SUSD1: variants seen among roughly 807,000 people sequenced by gnomAD.
SUSD1 encodes sushi domain-containing protein 1.
In SUSD1, 65 loss-of-function variants were observed where a neutral mutation model predicts 86.9. The observed-to-expected ratio is 0.75, with a 90% CI of 0.61 to 0.92. The LOEUF (loss-of-function observed/expected upper bound fraction) is 0.92, where lower values mean the gene tolerates loss of function less well. SUSD1 is among the 40% of genes least tolerant of loss of function. SUSD1 has a pLI of 0.00. For synonymous variants in SUSD1, 346 were observed against 350.0 expected (o/e 0.99, Z 0.13); for missense variants, 850 against 929.7 (o/e 0.91, Z 1.11).
chr9:112,057,302 TC>T (rs903609151), intron 14 of SUSD1, among the ~76,000 whole-genome samples: 4 of 152,094 alleles, frequency 2.6e-5, no homozygotes, highest in Admixed American at 2.6e-4. Flanking sequence ...CTACCATATT[TC>T]ACTATAGCAG....
intron 2 of SUSD1, among the ~76,000 whole-genome samples, chr9:112,150,399 C>T (rs892261330): frequency 6.6e-6 from 1 of 152,198 alleles, no homozygotes; most frequent in Non-Finnish European, 1.5e-5. Flanking sequence ...TTTGTTACTT[C>T]GTGTTTTATT....
At chr9:112,049,415 C>A (rs1394739771) in intron 15 of SUSD1, among the ~76,000 whole-genome samples, 1 of 152,132 alleles carries the variant, frequency 6.6e-6, no homozygotes, top group Non-Finnish European at 1.5e-5. Context: ...TGAGAACTGG[C>A]CAAGTTAAAT....
At chr9:112,173,326 G>A (rs1834125465) in intron 1 of SUSD1, among the ~76,000 whole-genome samples, 1 of 152,190 alleles carries the variant, frequency 6.6e-6, no homozygotes, top group Non-Finnish European at 1.5e-5. Context: ...AAGTCTCCTT[G>A]TATGTCATCA....
In SUSD1 at chr9:112,060,410, C is replaced by T. The variant is rs187980084; in HGVS notation, c.1851-1724G>A. On this transcript the variant is annotated intron_variant, in intron 13 of 16. Transcript: ENST00000374270. ...CTGAGTAGCCAAGACTACAGGCACTCGCCACTATGCCCGGTTAATTTTTTT... is the reference window on the plus strand; with the variant it reads ...CTGAGTAGCCAAGACTACAGGCACTTGCCACTATGCCCGGTTAATTTTTTT... Among the ~76,000 whole-genome samples, 170 of 152,320 alleles carry T rather than the reference C, an allele frequency of 1.1e-3. 1 individual carries two copies. The highest frequency in any genetic ancestry group is 3.8e-3 in the African/African-American group (157 of 41,570).
chr9:112,164,086 T>A (rs1285581709), intron 1 of SUSD1, among the ~76,000 whole-genome samples: 1 of 151,960 alleles, frequency 6.6e-6, no homozygotes, highest in Non-Finnish European at 1.5e-5. Flanking sequence ...GTAAATCTAA[T>A]AAACATAAAA....
chr9:112,117,942 GT>G (rs1831397435), intron 6 of SUSD1, among the ~76,000 whole-genome samples: 1 of 152,142 alleles, frequency 6.6e-6, no homozygotes, highest in Admixed American at 6.5e-5. Flanking sequence ...TCGATGCCTG[GT>G]TTCCCCCCAG....
intron 12 of SUSD1, among the ~76,000 whole-genome samples, chr9:112,063,755 G>GTC (rs980645375): frequency 1.3e-5 from 2 of 152,180 alleles, no homozygotes; most frequent in Admixed American, 1.3e-4. Flanking sequence ...TGCCTTGTGG[G>GTC]TAACACGCTA....
At chr9:112,058,845 G>A (rs994998628) in intron 13 of SUSD1, among the ~76,000 whole-genome samples, 159 bp from the exon 14 acceptor site, 2 of 152,100 alleles carry the variant, frequency 1.3e-5, no homozygotes, top group African/African-American at 4.8e-5. Context: ...CTAGGCTGGA[G>A]TACAGTGGTG....
intron 15 of SUSD1, among the ~76,000 whole-genome samples, chr9:112,044,110 A>G (rs1827859493): frequency 6.6e-6 from 1 of 152,316 alleles, no homozygotes; most frequent in Admixed American, 6.5e-5. Flanking sequence ...AAGAAACTAG[A>G]TTATAAAATG....
chr9:112,099,857 G>A (rs562814626), intron 9 of SUSD1, among the ~76,000 whole-genome samples: 110 of 152,212 alleles, frequency 7.2e-4, no homozygotes, highest in African/African-American at 2.5e-3. Context: ...CAAACTCTTT[G>A]AATTCTCTTG....
At position 112,087,456 on chromosome 9, in the gene SUSD1, C is replaced by T. The variant is rs1564283199; in HGVS notation, c.1475-7291G>A. Among the ~76,000 whole-genome samples, 4 of 152,184 alleles carry T rather than the reference C, an allele frequency of 2.6e-5. No individual in the cohort carries two copies. The South Asian group carries it at 8.3e-4, about 32-fold the overall frequency. ...TCGGCCTCCCAAAGTGCTGGGATTA[C>T]AGGTATGAGCCACTGAGCCAGGCCT... On this transcript the variant is annotated intron_variant, in intron 10 of 16. Coordinates refer to ENST00000374270, the MANE Select transcript of SUSD1 (RefSeq NM_022486.5).
At position 112,051,525 on chromosome 9, in the gene SUSD1, G is replaced by A. The variant is rs568112877; in HGVS notation, c.2149+874C>T. The stretch of plus-strand genomic sequence containing the variant: ...CGGCTCACCGCAACCTTTGCCTCCC[G>A]GGTTCAAGTGATTCTCCTGCCTCAG... On this transcript the variant is annotated intron_variant, in intron 15 of 16. Transcript: ENST00000374270. 7.4e-5 allele frequency among the ~76,000 whole-genome samples: 11 copies of A among 148,522 alleles called. No individual in the cohort carries two copies. The South Asian group carries it at 1.5e-3, about 20-fold the overall frequency.
intron 8 of SUSD1, among the ~76,000 whole-genome samples, chr9:112,106,275 GA>G (rs940030541): frequency 1.3e-5 from 2 of 151,348 alleles, no homozygotes; most frequent in African/African-American, 4.9e-5. Flanking sequence ...ACCTGGCCAG[GA>G]TTTTTTTTTT....
intron 6 of SUSD1, 49 bp from the exon 7 acceptor site, chr9:112,112,917 A>G (rs766787104): frequency 1.0e-5 from 12 of 1,167,420 alleles, no homozygotes; most frequent in Non-Finnish European, 1.4e-5. Context: ...AATGGGCTTT[A>G]GCAAAATTCT....
At chr9:112,096,341 C>T (rs1422448177) in intron 10 of SUSD1, among the ~76,000 whole-genome samples, 2 of 152,154 alleles carry the variant, frequency 1.3e-5, no homozygotes, top group African/African-American at 4.8e-5. Context: ...CTCAAAACCT[C>T]AGCATTTGCC....
intron 12 of SUSD1, among the ~76,000 whole-genome samples, chr9:112,067,315 G>A (rs1012810998): frequency 6.6e-6 from 1 of 152,248 alleles, no homozygotes; most frequent in African/African-American, 2.4e-5. Flanking sequence ...GAAGAGCAAC[G>A]GGCCTGTGGT....
intron 1 of SUSD1, among the ~76,000 whole-genome samples, chr9:112,161,596 G>A (rs1833572626): frequency 6.6e-6 from 1 of 151,988 alleles, no homozygotes; most frequent in African/African-American, 2.4e-5. Flanking sequence ...GTCAAGGTGG[G>A]CAGATCACCT....
At chr9:112,047,061 G>C (rs1178276481) in intron 15 of SUSD1, among the ~76,000 whole-genome samples, 1 of 152,174 alleles carries the variant, frequency 6.6e-6, no homozygotes, top group Non-Finnish European at 1.5e-5. Flanking sequence ...AGAACTACCT[G>C]AGACTGGGTA....
chr9:112,048,142 C>T (rs564779850), intron 15 of SUSD1, among the ~76,000 whole-genome samples: 2 of 152,292 alleles, frequency 1.3e-5, no homozygotes, highest in South Asian at 2.1e-4. Flanking sequence ...CTTCCCCTAT[C>T]TCTGACCTCT....
Sources: gnomAD v4.1 joint callset for allele counts (sites outside exome capture counted in the v4.1 genomes callset) on GRCh38, gnomAD v4.1.1 for gene constraint, MANE v1.5 for transcripts, NCBI Gene and HGNC (gene_info 2026-07-23, HGNC 2026-07-21) for gene names.